The following SLC66A2 variants were observed in gnomAD, a reference collection of about 807,000 sequenced individuals.
SLC66A2 encodes PQ loop repeat containing 1.
SLC66A2 carries 23 observed loss-of-function variants against 25.5 expected under a neutral mutation model. The observed-to-expected ratio is 0.90, with a 90% CI of 0.65 to 1.28. SLC66A2 has a LOEUF of 1.28. SLC66A2 is among the 50% of genes most tolerant of loss of function. The pLI is 0.00. For missense variants in SLC66A2, 396 were observed against 373.1 expected, an observed-to-expected ratio of 1.06 and a Z score of -0.51; for synonymous variants, 193 against 166.5, an observed-to-expected ratio of 1.16 and a Z score of -1.23.
chr18:79,934,113 CT>C, intron 3 of SLC66A2, 91 bp from the exon 4 acceptor site: 1 of 947,992 alleles, frequency 1.1e-6, no homozygotes, highest in Non-Finnish European at 1.6e-6. Flanking sequence ...GTTCCCAGAA[CT>C]TTTTGCATTT....
chr18:79,903,872 C>T lies in SLC66A2; in HGVS notation c.*104G>A. The T allele has an allele frequency of 1.3e-5, 14 of 1,054,146 alleles. 1 individual carries two copies. The highest frequency in any genetic ancestry group is 1.4e-6 in the Non-Finnish European group (1 of 736,056). 65.3% of individuals were successfully genotyped at this position (1,054,146 alleles called of 1,614,324 possible). On this transcript the variant is annotated 3_prime_UTR_variant, in exon 6 of 6. Coordinates refer to ENST00000397778, the MANE Select transcript of SLC66A2 (RefSeq NM_025078.5). Reference sequence around the variant, plus strand: ...GGAGACCCCAATGCCCATGCCCCATCTCTGCCACACCTGCAGGGGCCACAG... The same window carrying T: ...GGAGACCCCAATGCCCATGCCCCATTTCTGCCACACCTGCAGGGGCCACAG...
intron 5 of SLC66A2, among the ~76,000 whole-genome samples, chr18:79,909,406 C>T (rs1299118747): frequency 2.6e-5 from 4 of 152,086 alleles, no homozygotes; most frequent in East Asian, 1.9e-4. Context: ...TTCCTCACCA[C>T]GATGTACCCA....
intron 5 of SLC66A2, among the ~76,000 whole-genome samples, chr18:79,905,626 G>A (rs958868611): frequency 1.3e-5 from 2 of 152,248 alleles, no homozygotes; most frequent in African/African-American, 2.4e-5. Context: ...GGTCACCTTC[G>A]CCCCACGCAG....
At chr18:79,946,080 CGGA>C (rs1599663703) in intron 2 of SLC66A2, among the ~76,000 whole-genome samples, 1 of 152,272 alleles carries the variant, frequency 6.6e-6, no homozygotes, top group East Asian at 1.9e-4. Flanking sequence ...AATGACGAGA[CGGA>C]GGAGGAGGCG....
At chr18:79,919,006 G>C (rs3744879) in intron 5 of SLC66A2, among the ~76,000 whole-genome samples, 178 bp downstream of exon 5, 55,191 of 152,236 alleles carry the variant, frequency 0.36, 11,399 homozygotes, top group East Asian at 0.48. Context: ...AAGCTCATCT[G>C]CTCCAGCGCG....
intron 2 of SLC66A2, 49 bp downstream of exon 2, chr18:79,950,675 G>A: frequency 6.3e-7 from 1 of 1,597,208 alleles, no homozygotes; most frequent in African/African-American, 1.3e-5. Flanking sequence ...CCCCAAAGGA[G>A]AAACCCTCTT....
chr18:79,938,421 T>A (rs918698930), intron 3 of SLC66A2, among the ~76,000 whole-genome samples: 4 of 152,120 alleles, frequency 2.6e-5, no homozygotes, highest in African/African-American at 9.7e-5. Context: ...CCTGCCTTCC[T>A]CAGGCTGGGC....
In SLC66A2 at chr18:79,904,957, C is replaced by T. The variant is rs1015149844; in HGVS notation, c.609-774G>A. 2.6e-5 allele frequency among the ~76,000 whole-genome samples: 4 copies of T among 152,172 alleles called. No individual in the cohort carries two copies. Among genetic ancestry groups the T allele is most frequent in the Admixed American group, 2.0e-4 (3 of 15,290 alleles). ...TGGACAGAAAGGACAGGACACAGCC[C>T]TCCCCCACCCTGGGGCGTCCGTCCC... is the stretch of plus-strand genomic sequence containing the variant. On this transcript the variant is annotated intron_variant, in intron 5 of 5. Coordinates refer to ENST00000397778, the MANE Select transcript of SLC66A2 (RefSeq NM_025078.5). This position sits in a 1 kb window ranked among gnomAD's most constrained non-coding sequence, Gnocchi z 6.3.
At position 79,950,768 on chromosome 18, in the gene SLC66A2, C is replaced by T. The variant is rs755636288; in HGVS notation, c.159G>A (p.Val53=). The change falls in exon 2 of 6, where the codon GTG becomes GTA. Residue 53 remains valine, a synonymous_variant. Coordinates refer to ENST00000397778, the MANE Select transcript of SLC66A2 (RefSeq NM_025078.5). ...TGTTGGCCACCAGCAGCACCAGGCA[C>T]ACGTAGGTGGAGAAGCCGTCGGCGT... ...TQNADGFSTY[V]CLVLLVANIL... 1.7e-5 allele frequency: 27 copies of T among 1,613,178 alleles called. 1 individual carries two copies. The highest frequency in any genetic ancestry group is 1.5e-5 in the Non-Finnish European group (18 of 1,180,010).
Position 79,917,950 on chromosome 18 carries a change from A to C in SLC66A2, c.608+1234T>G, listed in dbSNP as rs1984424180. Among the ~76,000 whole-genome samples, 1 of 150,658 alleles carries C rather than the reference A, an allele frequency of 6.6e-6. No individual in the cohort carries two copies. The highest frequency in any genetic ancestry group is 1.5e-5 in the Non-Finnish European group (1 of 67,652). ...AACTCCATACCCCACACCCCAGCCCACACCTACACTTCACATCTGTGCCTA... is the reference window on the plus strand; with the variant it reads ...AACTCCATACCCCACACCCCAGCCCCCACCTACACTTCACATCTGTGCCTA... On this transcript the variant is annotated intron_variant, in intron 5 of 5. Transcript: ENST00000397778. This position sits in a 1 kb window ranked among gnomAD's most constrained non-coding sequence, Gnocchi z 6.0.
chr18:79,933,958 AG>A lies in SLC66A2; in HGVS notation c.391+10del. The A allele has an allele frequency of 6.2e-7, 1 of 1,610,474 alleles. No individual in the cohort carries two copies. The highest frequency in any genetic ancestry group is 8.5e-7 in the Non-Finnish European group (1 of 1,178,420). ...AACGTGCTGCGGACAGTGCACGCGC[AG>A]GGTACATACCCAGGAAGGACCGCCT... On this transcript the variant is annotated intron_variant, in intron 4 of 5. Transcript: ENST00000397778.
chr18:79,909,831 A>C (rs1156289863), intron 5 of SLC66A2, among the ~76,000 whole-genome samples: 35 of 40,654 alleles, frequency 8.6e-4, no homozygotes, highest in Admixed American at 1.4e-3. Flanking sequence ...CTTCCCCACC[A>C]CCTCACCAGA....
chr18:79,905,684 C>T (rs1267976308), intron 5 of SLC66A2, among the ~76,000 whole-genome samples: 1 of 152,282 alleles, frequency 6.6e-6, no homozygotes, highest in Non-Finnish European at 1.5e-5. Context: ...GCTCGCCTGA[C>T]CCTCACACAC....
chr18:79,908,976 G>A (rs1401727200), intron 5 of SLC66A2, among the ~76,000 whole-genome samples: 1 of 152,210 alleles, frequency 6.6e-6, no homozygotes, highest in Non-Finnish European at 1.5e-5. Flanking sequence ...CTGTCAGCCT[G>A]AGTTGGTTTC....
At chr18:79,905,062 T>C (rs887924277) in intron 5 of SLC66A2, among the ~76,000 whole-genome samples, 4 of 152,140 alleles carry the variant, frequency 2.6e-5, no homozygotes, top group African/African-American at 9.7e-5. Flanking sequence ...GCCGGGTGTG[T>C]TCAGGGCTGG....
At chr18:79,936,160 G>T (rs1987064540) in intron 3 of SLC66A2, among the ~76,000 whole-genome samples, 1 of 152,222 alleles carries the variant, frequency 6.6e-6, no homozygotes, top group Non-Finnish European at 1.5e-5. Flanking sequence ...ACTGTACCCT[G>T]TCGGTACGGC....
Position 79,904,092 on chromosome 18 carries a change from C to G in SLC66A2, c.700G>C (p.Gly234Arg). Residue 234 changes from glycine (G) to arginine (R), a missense_variant, in exon 6 of 6, where the codon GGC becomes CGC. Coordinates refer to ENST00000397778, the MANE Select transcript of SLC66A2 (RefSeq NM_025078.5). This position sits in a 1 kb window ranked among gnomAD's most constrained non-coding sequence, Gnocchi z 6.3. ...KGAPLQFSVC[G>R]LLQVLVDLAI... ...AGGTCCACCAGCACCTGCAGCAGGC[C>G]GCACACGGAGAACTGCAGAGGGGCA... 6.2e-7 allele frequency: 1 copy of G among 1,612,752 alleles called. No individual in the cohort carries two copies. Among genetic ancestry groups the G allele is most frequent in the Non-Finnish European group, 8.5e-7 (1 of 1,179,734 alleles).
intron 3 of SLC66A2, among the ~76,000 whole-genome samples, chr18:79,942,571 C>CT (rs1218320572): frequency 1.3e-5 from 2 of 152,196 alleles, no homozygotes; most frequent in African/African-American, 4.8e-5. Flanking sequence ...CAAGTGATAG[C>CT]TGAGATCACT....
At chr18:79,925,466 A>G (rs1371382418) in intron 4 of SLC66A2, among the ~76,000 whole-genome samples, 1 of 152,206 alleles carries the variant, frequency 6.6e-6, no homozygotes, top group East Asian at 1.9e-4. Context: ...CGAGGCATTC[A>G]ATGCTAAACG....
Sources: allele counts gnomAD v4.1 joint callset (sites outside exome capture counted in the v4.1 genomes callset), GRCh38; gene constraint gnomAD v4.1.1; non-coding constraint Gnocchi (gnomAD v3.1); transcripts MANE v1.5; gene names NCBI Gene and HGNC (gene_info 2026-07-23, HGNC 2026-07-21).